The following NT5DC3 variants were observed in gnomAD, a reference collection of about 807,000 sequenced individuals.
NT5DC3 encodes 5'-nucleotidase domain containing 3, also known as 5'-nucleotidase domain-containing protein 3.
Under a neutral mutation model 67.8 loss-of-function variants are expected in NT5DC3, and 42 were observed. The ratio of observed to expected loss-of-function variants is 0.62; its 90% CI spans 0.48 to 0.80. The LOEUF (loss-of-function observed/expected upper bound fraction) is 0.80, where lower values mean the gene tolerates loss of function less well. Ranked by LOEUF, NT5DC3 falls within the 30% of genes least tolerant of loss-of-function variation. The probability of loss-of-function intolerance (pLI) is 0.00; values close to 1 mark genes in which losing one functional copy is unlikely to be tolerated. For synonymous variants in NT5DC3, 237 were observed against 255.6 expected (o/e 0.93, Z 0.69); for missense variants, 570 against 696.4 (o/e 0.82, Z 2.04).
At position 103,785,490 on chromosome 12, in the gene NT5DC3, C is replaced by T; in HGVS notation, c.1189-15G>A. The T allele has an allele frequency of 1.2e-6, 2 of 1,613,620 alleles. No individual in the cohort carries two copies. Among genetic ancestry groups the T allele is most frequent in the Non-Finnish European group, 8.5e-7 (1 of 1,179,628 alleles). ...AGGGTCAAATCCTGATCACAAAGATCACGAAAAGTCAACGTCAGTCTCAAC... is the reference window on the plus strand; with the variant it reads ...AGGGTCAAATCCTGATCACAAAGATTACGAAAAGTCAACGTCAGTCTCAAC... On this transcript the variant is annotated splice_polypyrimidine_tract_variant and intron_variant, in intron 11 of 13. Coordinates refer to ENST00000392876, the MANE Select transcript of NT5DC3 (RefSeq NM_001031701.3).
chr12:103,836,789 T>C (rs188352689), intron 1 of NT5DC3, among the ~76,000 whole-genome samples: 6 of 152,270 alleles, frequency 3.9e-5, no homozygotes, highest in African/African-American at 1.4e-4. Context: ...TTCGCTCCTG[T>C]GGCTTTGCAG....
Position 103,824,358 on chromosome 12 carries a change from C to T in NT5DC3, c.209-9237G>A, listed in dbSNP as rs1370003928. Among the ~76,000 whole-genome samples, 6 of 152,270 alleles carry T rather than the reference C, an allele frequency of 3.9e-5. No homozygotes were observed. The South Asian group carries it at 8.3e-4, about 21-fold the overall frequency. ...AACAGTCCAATGGCAGATGTTGAGA[C>T]GAAACAAAATGCCCAAGGTATCCTT... is the stretch of plus-strand genomic sequence containing the variant. On this transcript the variant is annotated intron_variant, in intron 1 of 13. Transcript: ENST00000392876.
intron 10 of NT5DC3, among the ~76,000 whole-genome samples, chr12:103,788,517 G>A (rs1212257087): frequency 5.3e-5 from 8 of 152,112 alleles, no homozygotes; most frequent in Admixed American, 5.2e-4. Context: ...AGTAATTTGA[G>A]TGAATAATAT....
chr12:103,761,400 C>T, the NT5DC3 span: 2 of 1,613,612 alleles, frequency 1.2e-6, no homozygotes, highest in Non-Finnish European at 1.7e-6. Flanking sequence ...AAAGCACCCC[C>T]TGCCCCCGTG....
chr12:103,766,319 C>T (rs778099850), downstream of NT5DC3: 26 of 1,613,352 alleles, frequency 1.6e-5, no homozygotes, highest in Non-Finnish European at 2.1e-5. Flanking sequence ...GGGCAATGAC[C>T]CCTTGAGGAC....
chr12:103,790,694 C>CT (rs67812943), intron 9 of NT5DC3, among the ~76,000 whole-genome samples: 11,952 of 74,314 alleles, frequency 0.16, 1,460 homozygotes, highest in Non-Finnish European at 0.2. Context: ...CCAAGTACAT[C>CT]TTTTTTTTTT....
At chr12:103,832,303 T>C (rs1367123611) in intron 1 of NT5DC3, among the ~76,000 whole-genome samples, 2 of 152,046 alleles carry the variant, frequency 1.3e-5, no homozygotes, top group African/African-American at 4.8e-5. Flanking sequence ...CAATAAAAGA[T>C]TGGTTTCCAA....
intron 1 of NT5DC3, among the ~76,000 whole-genome samples, chr12:103,840,700 A>G (rs1442588972): frequency 6.6e-6 from 1 of 151,942 alleles, no homozygotes; most frequent in Non-Finnish European, 1.5e-5. Flanking sequence ...TCCCAAGAAT[A>G]TATACAACAG....
chr12:103,796,587 C>T (rs756904832), intron 6 of NT5DC3, among the ~76,000 whole-genome samples: 2 of 152,208 alleles, frequency 1.3e-5, no homozygotes, highest in Non-Finnish European at 2.9e-5. Flanking sequence ...ACAGGCTGGA[C>T]TTCCATCCCC....
chr12:103,841,018 G>C lies in NT5DC3; in HGVS notation c.139C>G (p.Pro47Ala). Reference sequence around the variant, plus strand: ...CGCTTCATGTCCGGGGCGGTCCCGGGTGCAGTGCACAAGGGCCGGGCGGGG... The same window carrying C: ...CGCTTCATGTCCGGGGCGGTCCCGGCTGCAGTGCACAAGGGCCGGGCGGGG... The part of the protein sequence containing the change: ...AGPARPLCTA[P>A]GTAPDMKRYL... Residue 47 changes from proline (P) to alanine (A), a missense_variant, in exon 1 of 14, where the codon CCC becomes GCC. Pro to Ala is a conservative substitution (Grantham distance 27). Transcript: ENST00000392876. 7.7e-7 allele frequency: 1 copy of C among 1,294,664 alleles called. No homozygotes were observed. The highest frequency in any genetic ancestry group is 9.8e-7 in the Non-Finnish European group (1 of 1,018,794). 80.2% of individuals were successfully genotyped at this position (1,294,664 alleles called of 1,614,324 possible). A position where few individuals can be genotyped will look rare whatever the true frequency, so the allele number is the denominator to read the frequency against.
At chr12:103,803,405 TGA>T (rs1464931573) in intron 4 of NT5DC3, among the ~76,000 whole-genome samples, 1 of 152,118 alleles carries the variant, frequency 6.6e-6, no homozygotes, top group African/African-American at 2.4e-5. Context: ...CCTAAGAAAA[TGA>T]GACATGTGCA....
intron 4 of NT5DC3, among the ~76,000 whole-genome samples, chr12:103,799,088 C>A: frequency 6.6e-6 from 1 of 152,198 alleles, no homozygotes; most frequent in East Asian, 1.9e-4. Flanking sequence ...AGAACCCAGG[C>A]TTTCTGGCTC....
At chr12:103,815,931 T>C (rs1887231489) in intron 1 of NT5DC3, among the ~76,000 whole-genome samples, 1 of 152,320 alleles carries the variant, frequency 6.6e-6, no homozygotes, top group Middle Eastern at 3.4e-3. Context: ...AATCTAAATA[T>C]CATACATCAT....
the NT5DC3 span, chr12:103,748,833 A>T: frequency 1.1e-6 from 1 of 916,858 alleles, no homozygotes; most frequent in Non-Finnish European, 1.6e-6. Flanking sequence ...GCATGGAGAG[A>T]GAAGCACGAA....
At chr12:103,770,688 G>C (rs1885161067), downstream of NT5DC3, 2 of 152,194 alleles carry the variant, frequency 1.3e-5, no homozygotes, top group South Asian at 4.1e-4. Flanking sequence ...CTCCCACCTT[G>C]GCCTCCCTAA....
Position 103,776,669 on chromosome 12 carries a change from C to CAAA in NT5DC3, c.*1157_*1159dup, listed in dbSNP as rs1295288183. 9.7e-6 allele frequency: 1 copy of CAAA among 103,158 alleles called. No individual in the cohort carries two copies. Among genetic ancestry groups the CAAA allele is most frequent in the Non-Finnish European group, 2.1e-5 (1 of 47,798 alleles). 6.4% of individuals were successfully genotyped at this position (103,158 alleles called of 1,614,324 possible). On this transcript the variant is annotated 3_prime_UTR_variant, in exon 14 of 14. Transcript: ENST00000392876. ...CTTAGACATCTAAAAAAAAACAAAA[C>CAAA]AAAACAAAAAAAAAAAAAACAAACT...
chr12:103,820,837 A>T (rs922607604), intron 1 of NT5DC3: 1 of 152,226 alleles, frequency 6.6e-6, no homozygotes, highest in African/African-American at 2.4e-5. Flanking sequence ...CGAAGGATGG[A>T]TCTGACAAAC....
At chr12:103,749,279 T>G in the NT5DC3 span, 1 of 1,137,180 alleles carries the variant, frequency 8.8e-7, no homozygotes, top group Non-Finnish European at 1.2e-6. Flanking sequence ...TCTAGCACAG[T>G]CTGTTTCTTG....
chr12:103,753,861 C>G, the NT5DC3 span, among the ~76,000 whole-genome samples: 450 of 152,234 alleles, frequency 3.0e-3, 2 homozygotes, highest in African/African-American at 9.7e-3. Context: ...GTGGAGTTTC[C>G]CTGGAATAGC....
Sources: allele counts gnomAD v4.1 joint callset (sites outside exome capture counted in the v4.1 genomes callset), GRCh38; gene constraint gnomAD v4.1.1; transcripts MANE v1.5; gene names NCBI Gene and HGNC (gene_info 2026-07-23, HGNC 2026-07-21).